ADAMTS14: variants seen among roughly 807,000 people sequenced by gnomAD.
The protein encoded by ADAMTS14 is ADAM metallopeptidase with thrombospondin type 1 motif 14.
Under a neutral mutation model 128.6 loss-of-function variants are expected in ADAMTS14, and 100 were observed. That is an observed-to-expected ratio of 0.78 (90% CI 0.66 to 0.92). The LOEUF (loss-of-function observed/expected upper bound fraction) is 0.92, where lower values mean the gene tolerates loss of function less well. Ranked by LOEUF, ADAMTS14 falls within the 40% of genes least tolerant of loss-of-function variation. ADAMTS14 has a pLI of 0.00. For missense variants in ADAMTS14, 1,562 were observed against 1,658.6 expected, an observed-to-expected ratio of 0.94 and a Z score of 1.01; for synonymous variants, 665 against 653.8, an observed-to-expected ratio of 1.02 and a Z score of -0.26.
intron 8 of ADAMTS14, 125 bp downstream of exon 8, chr10:70,734,153 G>T: frequency 7.8e-7 from 1 of 1,280,876 alleles, no homozygotes. Flanking sequence ...GACTCATCTC[G>T]CCTCCCCGCC....
At chr10:70,693,181 C>T (rs1002675690) in intron 2 of ADAMTS14, among the ~76,000 whole-genome samples, 1 of 152,160 alleles carries the variant, frequency 6.6e-6, no homozygotes, top group Non-Finnish European at 1.5e-5. Context: ...CGTGCTAAAC[C>T]ATTCATGAGG....
rs1245142835 is a variant in ADAMTS14 at position 70,730,274 on chromosome 10, T to C, written c.1102+25T>C. On this transcript the variant is annotated intron_variant, in intron 6 of 21. Coordinates refer to ENST00000373207, the MANE Select transcript of ADAMTS14 (RefSeq NM_080722.4). ...GGTATGCAAGGTACTGTATTTGCCA[T>C]GGCCAGGTGTGTGCAGCATGCACGG... 2.5e-6 allele frequency: 4 copies of C among 1,606,118 alleles called. No individual in the cohort carries two copies. In the African/African-American group the frequency reaches 4.0e-5, roughly 16 times the overall value.
intron 4 of ADAMTS14, among the ~76,000 whole-genome samples, chr10:70,723,944 A>G (rs550100576): frequency 6.6e-6 from 1 of 152,344 alleles, no homozygotes; most frequent in African/African-American, 2.4e-5. Flanking sequence ...TCTCACTTCT[A>G]GCTGCGTGGC....
chr10:70,687,180 AG>A (rs1390936616), intron 2 of ADAMTS14, among the ~76,000 whole-genome samples: 28 of 68,162 alleles, frequency 4.1e-4, no homozygotes, highest in African/African-American at 1.6e-3. Flanking sequence ...CTGGCCGGGC[AG>A]GGGGGCTGAC....
intron 3 of ADAMTS14, among the ~76,000 whole-genome samples, chr10:70,704,878 TCAAA>T (rs1840612393): frequency 2.6e-5 from 4 of 151,392 alleles, no homozygotes; most frequent in Admixed American, 2.6e-4. Context: ...ACACCCACAC[TCAAA>T]CACTGACAAA....
At chr10:70,717,738 G>A (rs1450071802) in intron 4 of ADAMTS14, among the ~76,000 whole-genome samples, 1 of 152,198 alleles carries the variant, frequency 6.6e-6, no homozygotes, top group Non-Finnish European at 1.5e-5. Flanking sequence ...TTCCAGCCAG[G>A]TTGCAGCCAG....
chr10:70,744,533 G>C (rs1187462733), intron 14 of ADAMTS14, among the ~76,000 whole-genome samples: 9 of 152,194 alleles, frequency 5.9e-5, no homozygotes, highest in Non-Finnish European at 1.2e-4. Context: ...GCCAAGACTG[G>C]ACTGATAATT....
chr10:70,729,415 A>G (rs1482043452), intron 5 of ADAMTS14, 38 bp downstream of exon 5: 2 of 1,561,558 alleles, frequency 1.3e-6, no homozygotes, highest in East Asian at 4.5e-5. Flanking sequence ...TTGCGGGGAG[A>G]AGGGTTGTGG....
chr10:70,676,301 G>C (rs1382141433), intron 2 of ADAMTS14, among the ~76,000 whole-genome samples: 1 of 152,180 alleles, frequency 6.6e-6, no homozygotes, highest in African/African-American at 2.4e-5. Flanking sequence ...ACTGTGCCTG[G>C]CTTTCCTCAT....
chr10:70,752,587 G>T (rs1383199978), intron 18 of ADAMTS14, among the ~76,000 whole-genome samples: 1 of 152,178 alleles, frequency 6.6e-6, no homozygotes, highest in Admixed American at 6.5e-5. Context: ...CTGGTGGAGG[G>T]CTCATGGCCA....
At chr10:70,737,952 A>G (rs1382404177) in intron 10 of ADAMTS14, among the ~76,000 whole-genome samples, 1 of 152,252 alleles carries the variant, frequency 6.6e-6, no homozygotes, top group Non-Finnish European at 1.5e-5. Context: ...ATGAAAAGTC[A>G]TCGCATTGCA....
intron 1 of ADAMTS14, 35 bp downstream of exon 1, chr10:70,672,919 G>T: frequency 7.0e-7 from 1 of 1,419,328 alleles, no homozygotes; most frequent in Middle Eastern, 2.5e-4. Flanking sequence ...GGCCCGTGGG[G>T]TCCGGGGTGC....
intron 2 of ADAMTS14, among the ~76,000 whole-genome samples, chr10:70,679,775 A>C (rs1839748402): frequency 6.6e-6 from 1 of 151,730 alleles, no homozygotes; most frequent in African/African-American, 2.4e-5. Context: ...TCTGTTTTCC[A>C]CTCTCTGCAG....
intron 4 of ADAMTS14, among the ~76,000 whole-genome samples, chr10:70,728,126 T>C (rs1589306110): frequency 6.7e-6 from 1 of 149,760 alleles, no homozygotes; most frequent in Non-Finnish European, 1.5e-5. Context: ...TGGCCTCAAG[T>C]GAGCCTCCTA....
At chr10:70,677,197 G>A (rs1345386) in intron 2 of ADAMTS14, among the ~76,000 whole-genome samples, 105,273 of 152,084 alleles carry the variant, frequency 0.69, 36,729 homozygotes, top group African/African-American at 0.76. Context: ...ACATGGCTAC[G>A]TGGTGTAGCA....
At position 70,760,877 on chromosome 10, in the gene ADAMTS14, C is replaced by G. The variant is rs764929235; in HGVS notation, c.*24C>G. On this transcript the variant is annotated 3_prime_UTR_variant, in exon 22 of 22. Transcript: ENST00000373207. ...GAGCTGTGCCCTGCCATCCCACTGG[C>G]ACGTTTACACTCTGTGTACTGCCCC... 1.7e-5 allele frequency: 26 copies of G among 1,543,980 alleles called. No homozygotes were observed. Among genetic ancestry groups the G allele is most frequent in the Non-Finnish European group, 2.3e-5 (26 of 1,143,362 alleles).
chr10:70,725,112 A>T (rs549520845), intron 4 of ADAMTS14, among the ~76,000 whole-genome samples: 1 of 151,716 alleles, frequency 6.6e-6, no homozygotes, highest in Non-Finnish European at 1.5e-5. Context: ...GTGCTAATAC[A>T]GTGTTTTCCG....
intron 19 of ADAMTS14, among the ~76,000 whole-genome samples, chr10:70,755,748 C>T (rs1402307351): frequency 6.6e-6 from 1 of 152,152 alleles, no homozygotes; most frequent in Non-Finnish European, 1.5e-5. Context: ...ACTCGGGAGG[C>T]TGAGGCAGGA....
chr10:70,703,361 C>T (rs529565528), intron 3 of ADAMTS14, among the ~76,000 whole-genome samples: 73 of 152,336 alleles, frequency 4.8e-4, no homozygotes, highest in Non-Finnish European at 9.3e-4. Flanking sequence ...ATGACTGGAC[C>T]GCATCCTTGT....
Sources: gnomAD v4.1 joint callset for allele counts (sites outside exome capture counted in the v4.1 genomes callset) on GRCh38, gnomAD v4.1.1 for gene constraint, MANE v1.5 for transcripts, NCBI Gene and HGNC (gene_info 2026-07-23, HGNC 2026-07-21) for gene names.